Variants in CAMK2D observed in about 807,000 individuals in gnomAD.
CAMK2D encodes the protein calcium/calmodulin-dependent protein kinase type II subunit delta.
Under a neutral mutation model 84.0 loss-of-function variants are expected in CAMK2D, and 37 were observed. The observed-to-expected ratio is 0.44, with a 90% CI of 0.34 to 0.58. The LOEUF is 0.58. CAMK2D is among the 20% of genes least tolerant of loss of function. The pLI, the probability that CAMK2D is intolerant of heterozygous loss-of-function variation, is 0.02. For synonymous variants in CAMK2D, 202 were observed against 212.5 expected, an observed-to-expected ratio of 0.95 and a Z score of 0.43; for missense variants, 448 against 652.5, an observed-to-expected ratio of 0.69 and a Z score of 3.41.
At chr4:113,734,959 A>G (rs747274983) in intron 2 of CAMK2D, among the ~76,000 whole-genome samples, 1 of 151,680 alleles carries the variant, frequency 6.6e-6, no homozygotes, top group Non-Finnish European at 1.5e-5. Context: ...ACTATCTTAC[A>G]TGGCAAACTT....
At chr4:113,568,866 T>C (rs2098738757) in intron 4 of CAMK2D, among the ~76,000 whole-genome samples, 1 of 152,218 alleles carries the variant, frequency 6.6e-6, no homozygotes, top group Non-Finnish European at 1.5e-5. Context: ...TGTCTTTCTA[T>C]GGGCTTATTG....
intron 2 of CAMK2D, among the ~76,000 whole-genome samples, chr4:113,750,948 C>T (rs2099615743): frequency 6.6e-6 from 1 of 152,018 alleles, no homozygotes; most frequent in Non-Finnish European, 1.5e-5. Context: ...TGAGCCCAGG[C>T]ATTGGAGGCT....
chr4:113,751,535 G>T (rs1361702057), intron 2 of CAMK2D, among the ~76,000 whole-genome samples: 5 of 152,262 alleles, frequency 3.3e-5, no homozygotes, highest in South Asian at 2.1e-4. Context: ...ACTTTGGAAG[G>T]CCTAAGTGGG....
intron 6 of CAMK2D, among the ~76,000 whole-genome samples, chr4:113,543,581 G>T (rs1451307322): frequency 6.6e-6 from 1 of 151,882 alleles, no homozygotes; most frequent in Non-Finnish European, 1.5e-5. Context: ...TGCACACAAG[G>T]TCTGTTCTTG....
Position 113,515,423 on chromosome 4 carries a change from G to A in CAMK2D, c.697-232C>T, listed in dbSNP as rs764825971. On this transcript the variant is annotated intron_variant, in intron 9 of 20. Transcript: ENST00000511664. Reference sequence around the variant, plus strand: ...CTGATAAGGGACCAACATATGTACTGAGCTGCATATCACATATGGTAAATA... The same window carrying A: ...CTGATAAGGGACCAACATATGTACTAAGCTGCATATCACATATGGTAAATA... 3.5e-4 allele frequency among the ~76,000 whole-genome samples: 54 copies of A among 152,164 alleles called. No individual in the cohort carries two copies. The Middle Eastern group carries it at 0.017, about 48-fold the overall frequency.
intron 16 of CAMK2D, among the ~76,000 whole-genome samples, chr4:113,497,194 T>C (rs1004438425): frequency 2.0e-5 from 3 of 152,092 alleles, no homozygotes; most frequent in African/African-American, 7.2e-5. Flanking sequence ...TTAAGTAAGA[T>C]AAATGGGCCT....
intron 3 of CAMK2D, among the ~76,000 whole-genome samples, chr4:113,630,687 C>A (rs2099086100): frequency 6.6e-6 from 1 of 152,128 alleles, no homozygotes; most frequent in African/African-American, 2.4e-5. Flanking sequence ...CAAACCACAG[C>A]CCTCGACCAC....
intron 13 of CAMK2D, among the ~76,000 whole-genome samples, chr4:113,508,029 T>C (rs1008471613): frequency 6.6e-6 from 1 of 152,234 alleles, no homozygotes; most frequent in Non-Finnish European, 1.5e-5. Context: ...AACCTCTTAA[T>C]ATACTATCTA....
At chr4:113,463,590 G>C (rs2097420072) in intron 17 of CAMK2D, among the ~76,000 whole-genome samples, 1 of 152,118 alleles carries the variant, frequency 6.6e-6, no homozygotes, top group Non-Finnish European at 1.5e-5. Context: ...TGGTCAGGCT[G>C]GTCTTGAACT....
chr4:113,553,762 C>A (rs527441512), intron 4 of CAMK2D, among the ~76,000 whole-genome samples: 70 of 152,132 alleles, frequency 4.6e-4, no homozygotes, highest in African/African-American at 1.6e-3. Flanking sequence ...GTACGTAATT[C>A]CATTTAATAG....
intron 4 of CAMK2D, among the ~76,000 whole-genome samples, chr4:113,607,400 G>A (rs2098982480): frequency 6.6e-6 from 1 of 152,060 alleles, no homozygotes; most frequent in Admixed American, 6.6e-5. Context: ...CTACCTGTCA[G>A]GCCTCTGAGC....
chr4:113,645,887 T>C (rs2099149951), intron 3 of CAMK2D, among the ~76,000 whole-genome samples: 1 of 152,142 alleles, frequency 6.6e-6, no homozygotes, highest in Non-Finnish European at 1.5e-5. Context: ...GCAGGGTGTA[T>C]GAGAAACACA....
chr4:113,703,158 A>G lies in CAMK2D; in HGVS notation c.161-41386T>C, dbSNP rs116370085. Among the ~76,000 whole-genome samples the G allele has an allele frequency of 2.6e-3, 396 of 152,296 alleles. 1 individual carries two copies. Among genetic ancestry groups the G allele is most frequent in the African/African-American group, 9.1e-3 (380 of 41,564 alleles). ...TTGAGAATACAGATTGATTTGTGCT[A>G]AATATGAGAATACAGATTTAATAGG... On this transcript the variant is annotated intron_variant, in intron 2 of 20. Transcript: ENST00000511664.
intron 15 of CAMK2D, among the ~76,000 whole-genome samples, chr4:113,501,687 A>T (rs933522748): frequency 6.6e-6 from 1 of 152,156 alleles, no homozygotes; most frequent in Non-Finnish European, 1.5e-5. Context: ...TAAGCTGAAA[A>T]TGAAGGTAAA....
At chr4:113,733,562 G>C (rs2099574044) in intron 2 of CAMK2D, among the ~76,000 whole-genome samples, 1 of 152,186 alleles carries the variant, frequency 6.6e-6, no homozygotes, top group Admixed American at 6.5e-5. Flanking sequence ...TCAGGTATAA[G>C]TATGGCTCCA....
intron 6 of CAMK2D, among the ~76,000 whole-genome samples, chr4:113,540,489 T>A (rs909638020): frequency 6.6e-6 from 1 of 152,176 alleles, no homozygotes; most frequent in Non-Finnish European, 1.5e-5. Context: ...AGGGTGATGA[T>A]CTAGAAAGAA....
chr4:113,538,670 T>C (rs919829586), intron 6 of CAMK2D, among the ~76,000 whole-genome samples: 2 of 152,232 alleles, frequency 1.3e-5, no homozygotes, highest in Admixed American at 1.3e-4. Context: ...CCACTGAATT[T>C]GTCAATTCTG....
chr4:113,531,175 C>G (rs908295818), intron 8 of CAMK2D, 41 bp downstream of exon 8: 1 of 1,010,708 alleles, frequency 9.9e-7, no homozygotes, highest in Non-Finnish European at 1.6e-6. Context: ...GACTAAGACA[C>G]TAGCTTATCA....
intron 3 of CAMK2D, among the ~76,000 whole-genome samples, chr4:113,625,790 C>T (rs2099065444): frequency 6.6e-6 from 1 of 152,008 alleles, no homozygotes; most frequent in South Asian, 2.1e-4. Flanking sequence ...GTGATATGCT[C>T]TGCTTGTTTT....
Sources: gnomAD v4.1 joint callset for allele counts (sites outside exome capture counted in the v4.1 genomes callset) on GRCh38, gnomAD v4.1.1 for gene constraint, MANE v1.5 for transcripts, NCBI Gene and HGNC (gene_info 2026-07-23, HGNC 2026-07-21) for gene names.